The following PLEKHH2 variants were observed in gnomAD, a reference collection of about 807,000 sequenced individuals.
The protein encoded by PLEKHH2 is pleckstrin homology domain-containing family H member 2.
A neutral mutation model predicts 187.9 loss-of-function variants in PLEKHH2; 129 were observed. The ratio of observed to expected loss-of-function variants is 0.69; its 90% confidence interval spans 0.59 to 0.79. The LOEUF is 0.79. Among genes scored for constraint, PLEKHH2 ranks in the 30% least tolerant of loss-of-function variants. PLEKHH2 has a pLI of 0.00. For missense variants in PLEKHH2, 2,076 were observed against 1,751.2 expected (o/e 1.19, Z -3.31); for synonymous variants, 686 against 605.6 (o/e 1.13, Z -1.95).
chr2:43,710,410 T>C (rs1293995004), intron 13 of PLEKHH2, 79 bp from the exon 14 acceptor site: 6 of 1,582,584 alleles, frequency 3.8e-6, no homozygotes, highest in Non-Finnish European at 5.2e-6. Context: ...CTTCCCATAA[T>C]GCAAGTAATG....
chr2:43,701,766 AAT>A (rs1669379850), intron 8 of PLEKHH2, among the ~76,000 whole-genome samples: 1 of 117,666 alleles, frequency 8.5e-6, no homozygotes, highest in Non-Finnish European at 1.8e-5. Flanking sequence ...GTTTAATTTT[AAT>A]TTTTTTTTTT....
In PLEKHH2 at chr2:43,704,501, A is replaced by C. The variant is rs564274594; in HGVS notation, c.1726+445A>C. On this transcript the variant is annotated intron_variant, in intron 9 of 29. Coordinates refer to ENST00000282406, the MANE Select transcript of PLEKHH2 (RefSeq NM_172069.4). The stretch of plus-strand genomic sequence containing the variant: ...ACGTTGAAACCCCATCTCTACTAAA[A>C]ATACAAAAAAAATTAGCCGGGCGTG... Among the ~76,000 whole-genome samples, 187 of 152,014 alleles carry C rather than the reference A, an allele frequency of 1.2e-3. 1 individual carries two copies. The highest frequency in any genetic ancestry group is 4.4e-3 in the African/African-American group (181 of 41,480).
chr2:43,743,132 G>A (rs1334887263), intron 22 of PLEKHH2, among the ~76,000 whole-genome samples: 1 of 152,186 alleles, frequency 6.6e-6, no homozygotes, highest in African/African-American at 2.4e-5. Context: ...AATAAGGGAT[G>A]GGCTTCACTG....
chr2:43,676,208 C>G, intron 2 of PLEKHH2: 1 of 1,614,004 alleles, frequency 6.2e-7, no homozygotes, highest in Non-Finnish European at 8.5e-7. Context: ...TGCTCGTGGT[C>G]TTGAGTTTGA....
chr2:43,763,274 A>G (rs139107734), intron 28 of PLEKHH2, among the ~76,000 whole-genome samples: 2,012 of 152,338 alleles, frequency 0.013, 23 homozygotes, highest in Non-Finnish European at 0.02. Context: ...CCCAGGAGGT[A>G]GCCAGACAGG....
intron 10 of PLEKHH2, 32 bp downstream of exon 10, chr2:43,706,448 G>A (rs372206892): frequency 1.4e-6 from 2 of 1,422,532 alleles, no homozygotes; most frequent in African/African-American, 1.4e-5. Flanking sequence ...TAAAACATGT[G>A]CTTCTCTTCA....
chr2:43,681,391 G>A (rs1347481209), intron 3 of PLEKHH2: 1 of 1,538,834 alleles, frequency 6.5e-7, no homozygotes, highest in Non-Finnish European at 8.8e-7. Context: ...GAAGGTTCTT[G>A]TCGACTTTGT....
intron 2 of PLEKHH2, among the ~76,000 whole-genome samples, chr2:43,651,449 CTT>C (rs112185148): frequency 5.3e-4 from 81 of 152,270 alleles, no homozygotes; most frequent in African/African-American, 1.8e-3. Flanking sequence ...TAACATGTAA[CTT>C]AGCATTTTTC....
intron 2 of PLEKHH2, among the ~76,000 whole-genome samples, chr2:43,646,832 T>G (rs1558409250): frequency 6.6e-6 from 1 of 151,166 alleles, no homozygotes; most frequent in South Asian, 2.1e-4. Context: ...TTTTTTTTTT[T>G]GGTCTGTATT....
intron 2 of PLEKHH2, among the ~76,000 whole-genome samples, chr2:43,677,904 CG>C (rs1380778023): frequency 4.2e-5 from 2 of 47,814 alleles, no homozygotes; most frequent in East Asian, 2.3e-4. Flanking sequence ...CCCTCCAGGA[CG>C]GGGCGGCTGG....
intron 23 of PLEKHH2, among the ~76,000 whole-genome samples, chr2:43,744,638 C>A (rs987418330): frequency 6.6e-6 from 1 of 151,976 alleles, no homozygotes; most frequent in Non-Finnish European, 1.5e-5. Context: ...GAGGCCGGGT[C>A]AGGTGGATCA....
intron 4 of PLEKHH2, among the ~76,000 whole-genome samples, chr2:43,694,134 C>A (rs956378963): frequency 6.6e-6 from 1 of 152,120 alleles, no homozygotes; most frequent in Non-Finnish European, 1.5e-5. Flanking sequence ...AAATCCTAGA[C>A]CATTCCCAGA....
At chr2:43,763,673 C>T (rs1050439853) in intron 28 of PLEKHH2, among the ~76,000 whole-genome samples, 1 of 151,348 alleles carries the variant, frequency 6.6e-6, no homozygotes, top group African/African-American at 2.4e-5. Context: ...CAGCCTCAGG[C>T]GTGAGCCATC....
At chr2:43,670,845 A>C (rs1667462414) in intron 2 of PLEKHH2, among the ~76,000 whole-genome samples, 1 of 152,266 alleles carries the variant, frequency 6.6e-6, no homozygotes, top group South Asian at 2.1e-4. Flanking sequence ...TTTCCTTATC[A>C]GTATATTGTG....
Position 43,707,487 on chromosome 2 carries a change from G to C in PLEKHH2, c.1908G>C (p.Thr636=). 1 of 1,614,136 alleles carries C rather than the reference G, an allele frequency of 6.2e-7. No individual in the cohort carries two copies. Among genetic ancestry groups the C allele is most frequent in the Non-Finnish European group, 8.5e-7 (1 of 1,180,010 alleles). Reference sequence around the variant, plus strand: ...ACAGCTCCAGATCCAGCTCCCGGACGTCAGAGTCAGACTCACGCAGTAGGA... The same window carrying C: ...ACAGCTCCAGATCCAGCTCCCGGACCTCAGAGTCAGACTCACGCAGTAGGA... ...EEDSSRSSSR[T]SESDSRSRSG... is the part of the protein sequence containing the mutation. The change falls in exon 11 of 30, where the codon ACG becomes ACC. Residue 636 remains threonine (T), a synonymous_variant. Transcript: ENST00000282406.
rs545443935 is a variant in PLEKHH2 at position 43,700,716 on chromosome 2, G to A, written c.1650+108G>A. 2.8e-5 allele frequency: 38 copies of A among 1,374,534 alleles called. No homozygotes were observed. The African/African-American group carries it at 3.3e-4, about 12-fold the overall frequency. 85.1% of individuals were successfully genotyped at this position (1,374,534 alleles called of 1,614,324 possible). ...CGCCCAAGCTGGAGTGCAGTGGCGCGATCTTGGCTCACTGCAACCTCCATC... is the reference window on the plus strand; with the variant it reads ...CGCCCAAGCTGGAGTGCAGTGGCGCAATCTTGGCTCACTGCAACCTCCATC... On this transcript the variant is annotated intron_variant, in intron 8 of 29. Coordinates refer to ENST00000282406, the MANE Select transcript of PLEKHH2 (RefSeq NM_172069.4).
intron 19 of PLEKHH2, among the ~76,000 whole-genome samples, chr2:43,734,222 C>T (rs921353390): frequency 1.3e-5 from 2 of 152,264 alleles, no homozygotes; most frequent in African/African-American, 4.8e-5. Flanking sequence ...CTCCCATTTC[C>T]CACTGCACCC....
intron 15 of PLEKHH2, among the ~76,000 whole-genome samples, chr2:43,713,722 C>A (rs1670080789): frequency 1.3e-5 from 2 of 148,634 alleles, no homozygotes; most frequent in African/African-American, 2.5e-5. Context: ...TTTAAAAAGT[C>A]CTATTGGTCA....
chr2:43,652,472 G>A (rs1666525490), intron 2 of PLEKHH2, among the ~76,000 whole-genome samples: 1 of 152,112 alleles, frequency 6.6e-6, no homozygotes, highest in African/African-American at 2.4e-5. Context: ...ATGGTAAGCT[G>A]GCCCTTCACC....
Sources: gnomAD v4.1 joint callset for allele counts (sites outside exome capture counted in the v4.1 genomes callset) on GRCh38, gnomAD v4.1.1 for gene constraint, MANE v1.5 for transcripts, NCBI Gene and HGNC (gene_info 2026-07-23, HGNC 2026-07-21) for gene names.